Variants in NNMT observed in about 807,000 individuals in gnomAD.
NNMT encodes nicotinamide N-methyltransferase.
In NNMT, 10 loss-of-function variants were observed where a neutral mutation model predicts 11.7. The ratio of observed to expected loss-of-function variants is 0.85; its 90% CI spans 0.53 to 1.45. NNMT has a LOEUF of 1.45. Among genes scored for constraint, NNMT ranks in the 40% most tolerant of loss-of-function variants. The probability of loss-of-function intolerance (pLI) is 0.00; values close to 1 mark genes in which losing one functional copy is unlikely to be tolerated. For missense variants in NNMT, 381 were observed against 319.4 expected, an observed-to-expected ratio of 1.19 and a Z score of -1.47; for synonymous variants, 143 against 133.8, an observed-to-expected ratio of 1.07 and a Z score of -0.48.
Position 114,312,583 on chromosome 11 carries a change from C to A in NNMT, c.*106C>A. Reference sequence around the variant, plus strand: ...CTGAGTAGAGGCTCAGTGGTTGGGGCCCAATGGTTCATCTAGGACGGGACT... The same window carrying A: ...CTGAGTAGAGGCTCAGTGGTTGGGGACCAATGGTTCATCTAGGACGGGACT... On this transcript the variant is annotated 3_prime_UTR_variant, in exon 3 of 3. Coordinates refer to ENST00000299964, the MANE Select transcript of NNMT (RefSeq NM_006169.3). The A allele has an allele frequency of 8.9e-7, 1 of 1,124,620 alleles. No homozygotes were observed. Among genetic ancestry groups the A allele is most frequent in the Non-Finnish European group, 1.3e-6 (1 of 781,584 alleles). The allele number at this position is 1,124,620 out of a possible 1,614,324, so 69.7% of individuals were successfully genotyped here. A position where few individuals can be genotyped will look rare whatever the true frequency, so the allele number is the denominator to read the frequency against.
At position 114,264,241 on chromosome 11, in the gene NNMT, C is replaced by G. The variant is rs144104466; in HGVS notation, c.-130+1307C>G. Reference sequence around the variant, plus strand: ...AGCCCACATCCCCCTTTAGCTTCCACCCATATTTCTCTCTTCCTTGGAAGA... The same window carrying G: ...AGCCCACATCCCCCTTTAGCTTCCAGCCATATTTCTCTCTTCCTTGGAAGA... On this transcript the variant is annotated intron_variant, in intron 2 of 4. Transcript: ENST00000535401. Among the ~76,000 whole-genome samples, 329 of 152,186 alleles carry G rather than the reference C, an allele frequency of 2.2e-3. 4 individuals carry two copies. Among genetic ancestry groups the G allele is most frequent in the Middle Eastern group, 3.4e-3 (1 of 294 alleles).
At chr11:114,278,168 T>G (rs1945229103) in intron 2 of NNMT, among the ~76,000 whole-genome samples, 2 of 152,124 alleles carry the variant, frequency 1.3e-5, no homozygotes, top group Non-Finnish European at 2.9e-5. Flanking sequence ...TGTTGAGGCC[T>G]CAGGAAGCTT....
chr11:114,266,321 A>G (rs1945119251), intron 2 of NNMT, among the ~76,000 whole-genome samples: 1 of 152,070 alleles, frequency 6.6e-6, no homozygotes, highest in African/African-American at 2.4e-5. Context: ...TAAATGTTTT[A>G]CTTATGCCTA....
At chr11:114,290,396 T>G (rs540288826) in intron 2 of NNMT, among the ~76,000 whole-genome samples, 4 of 152,220 alleles carry the variant, frequency 2.6e-5, no homozygotes, top group Non-Finnish European at 5.9e-5. Flanking sequence ...GTTCTTCTGC[T>G]CTACTAATTT....
At chr11:114,300,370 C>G (rs1225723443) in intron 2 of NNMT, among the ~76,000 whole-genome samples, 1 of 152,032 alleles carries the variant, frequency 6.6e-6, no homozygotes, top group Non-Finnish European at 1.5e-5. Context: ...ATTTTTCTAG[C>G]TATCTTATTG....
At chr11:114,295,514 C>T (rs1322568961), upstream of NNMT, among the ~76,000 whole-genome samples, 1 of 150,438 alleles carries the variant, frequency 6.6e-6, no homozygotes, top group East Asian at 2.0e-4. Flanking sequence ...AAGCTCCGCC[C>T]CCCGGGTTCA....
At chr11:114,261,305 G>C (rs1945078501) in intron 1 of NNMT, among the ~76,000 whole-genome samples, 1 of 152,150 alleles carries the variant, frequency 6.6e-6, no homozygotes, top group African/African-American at 2.4e-5. Context: ...CTTGGGGCCG[G>C]GCGCGGTGGC....
At position 114,312,664 on chromosome 11, in the gene NNMT, T is replaced by G. The variant is rs1224021088; in HGVS notation, c.*187T>G. 5.2e-6 allele frequency: 3 copies of G among 579,588 alleles called. No homozygotes were observed. In the East Asian group the frequency reaches 8.3e-5, roughly 16 times the overall value. The allele number at this position is 579,588 out of a possible 1,614,324, so 35.9% of individuals were successfully genotyped here. ...CCACTTACTTGGTGCTGCACACAAA[T>G]GTTGGTGCTATGGGACCCAAAGATG... On this transcript the variant is annotated 3_prime_UTR_variant, in exon 3 of 3. Transcript: ENST00000299964.
At chr11:114,279,607 A>G (rs1945243842) in intron 2 of NNMT, among the ~76,000 whole-genome samples, 2 of 152,166 alleles carry the variant, frequency 1.3e-5, no homozygotes, top group South Asian at 4.1e-4. Flanking sequence ...GAATGATGTG[A>G]TGTTTCATTT....
upstream of NNMT, among the ~76,000 whole-genome samples, chr11:114,293,711 T>C (rs1017747132): frequency 2.0e-5 from 3 of 152,036 alleles, no homozygotes; most frequent in African/African-American, 4.8e-5. Context: ...ACAACCACTA[T>C]GGAGAACGGT....
At chr11:114,283,065 T>G (rs904899920) in intron 2 of NNMT, among the ~76,000 whole-genome samples, 1 of 152,198 alleles carries the variant, frequency 6.6e-6, no homozygotes, top group African/African-American at 2.4e-5. Context: ...CCTCATGCAC[T>G]GCTGATGGGG....
chr11:114,310,511 G>T (rs532762534), intron 2 of NNMT, among the ~76,000 whole-genome samples: 1 of 152,322 alleles, frequency 6.6e-6, no homozygotes, highest in South Asian at 2.1e-4. Flanking sequence ...CCACTCTCTC[G>T]AATCAAGTTT....
intron 2 of NNMT, among the ~76,000 whole-genome samples, chr11:114,268,483 A>G (rs7105175): frequency 0.33 from 50,392 of 151,928 alleles, 9,925 homozygotes; most frequent in African/African-American, 0.55. Context: ...AAAATATACT[A>G]CAACAGACCA....
chr11:114,259,396 A>G (rs1439835010), intron 1 of NNMT, among the ~76,000 whole-genome samples: 2 of 150,336 alleles, frequency 1.3e-5, no homozygotes, highest in African/African-American at 2.5e-5. Flanking sequence ...ATGTCGATTC[A>G]TAGACCACCT....
chr11:114,270,418 G>A (rs140039039), intron 2 of NNMT: 1 of 152,340 alleles, frequency 6.6e-6, no homozygotes, highest in Non-Finnish European at 1.5e-5. Flanking sequence ...TGCTGGAGCA[G>A]AAGCAATGCT....
At chr11:114,260,137 G>GC (rs1945066150) in intron 1 of NNMT, among the ~76,000 whole-genome samples, 1 of 152,186 alleles carries the variant, frequency 6.6e-6, no homozygotes, top group Non-Finnish European at 1.5e-5. Context: ...CTGCCTTTCA[G>GC]CCTTCACTTG....
intron 1 of NNMT, 115 bp from the exon 2 acceptor site, chr11:114,297,836 A>G: frequency 2.4e-6 from 2 of 850,444 alleles, no homozygotes; most frequent in Non-Finnish European, 3.9e-6. Context: ...TGTGAACAGT[A>G]GTGGTCTGTC....
rs569479324 is a variant in NNMT, at chr11:114,311,717, G to A, written c.363-328G>A. 6.6e-5 allele frequency among the ~76,000 whole-genome samples: 10 copies of A among 152,248 alleles called. No homozygotes were observed. In the East Asian group the frequency reaches 1.9e-3, roughly 29 times the overall value. Reference sequence around the variant, plus strand: ...ATAACCTATAAATACTAATAAATGAGCCAGTATAGTATAAGTGAGTACTAT... The same window carrying A: ...ATAACCTATAAATACTAATAAATGAACCAGTATAGTATAAGTGAGTACTAT... On this transcript the variant is annotated intron_variant, in intron 2 of 2. Coordinates refer to ENST00000299964, the MANE Select transcript of NNMT (RefSeq NM_006169.3).
intron 2 of NNMT, among the ~76,000 whole-genome samples, chr11:114,286,609 T>G (rs1945302135): frequency 6.6e-6 from 1 of 152,216 alleles, no homozygotes; most frequent in South Asian, 2.1e-4. Flanking sequence ...CCCTACATCA[T>G]TTGGAGAATC....
Sources: allele counts gnomAD v4.1 joint callset (sites outside exome capture counted in the v4.1 genomes callset), GRCh38; gene constraint gnomAD v4.1.1; transcripts MANE v1.5; gene names NCBI Gene and HGNC (gene_info 2026-07-23, HGNC 2026-07-21).